NKAIN3: variants seen among roughly 807,000 people sequenced by gnomAD.
NKAIN3 encodes sodium/potassium transporting ATPase interacting 3, also known as sodium/potassium-transporting ATPase subunit beta-1-interacting protein 3.
NKAIN3 carries 25 observed loss-of-function variants against 30.2 expected under a neutral mutation model. That is an observed-to-expected ratio of 0.83 (90% CI 0.60 to 1.16). The LOEUF is 1.16. Ranked by LOEUF, NKAIN3 falls within the 50% of genes most tolerant of loss-of-function variation. NKAIN3 has a pLI of 0.00. For missense variants in NKAIN3, 225 were observed against 254.1 expected (o/e 0.89, Z 0.78); for synonymous variants, 91 against 89.6 (o/e 1.02, Z -0.09).
At chr8:62,823,161 C>G (rs1292675366) in intron 4 of NKAIN3, among the ~76,000 whole-genome samples, 1 of 152,128 alleles carries the variant, frequency 6.6e-6, no homozygotes, top group Non-Finnish European at 1.5e-5. Context: ...TTTATAAACA[C>G]TGTACACTTA....
At chr8:62,745,641 T>C (rs1586154689) in intron 3 of NKAIN3, among the ~76,000 whole-genome samples, 1 of 152,314 alleles carries the variant, frequency 6.6e-6, no homozygotes, top group South Asian at 2.1e-4. Context: ...CCAGAAATAC[T>C]AAAGGGCATC....
intron 1 of NKAIN3, among the ~76,000 whole-genome samples, chr8:62,362,915 G>A (rs547425877): frequency 1.3e-5 from 2 of 152,304 alleles, no homozygotes; most frequent in South Asian, 4.1e-4. Flanking sequence ...ACTCAGCAGT[G>A]TGTGACTGGT....
intron 5 of NKAIN3, chr8:62,990,332 C>A (rs1824296133): frequency 1.5e-6 from 2 of 1,342,238 alleles, no homozygotes; most frequent in Admixed American, 7.2e-5. Flanking sequence ...TCATTCTAAA[C>A]CCCAGATTCA....
At chr8:62,471,482 A>T (rs1781561397) in intron 1 of NKAIN3, among the ~76,000 whole-genome samples, 2 of 152,152 alleles carry the variant, frequency 1.3e-5, no homozygotes, top group African/African-American at 4.8e-5. Context: ...AAAAAAGAAA[A>T]ATCTTGTGTG....
chr8:62,607,378 G>A (rs1811161284), intron 3 of NKAIN3, among the ~76,000 whole-genome samples: 1 of 152,082 alleles, frequency 6.6e-6, no homozygotes, highest in Non-Finnish European at 1.5e-5. Flanking sequence ...TGTACAAATG[G>A]GCACTGTCAT....
intron 3 of NKAIN3, among the ~76,000 whole-genome samples, chr8:62,596,789 C>T (rs1387546175): frequency 6.6e-6 from 1 of 152,084 alleles, no homozygotes; most frequent in Non-Finnish European, 1.5e-5. Flanking sequence ...TCTAAAAGGT[C>T]CCCTCGAACA....
intron 1 of NKAIN3, among the ~76,000 whole-genome samples, chr8:62,455,734 C>T (rs1183199881): frequency 6.6e-6 from 1 of 152,188 alleles, no homozygotes; most frequent in Admixed American, 6.5e-5. Flanking sequence ...ATCAAAGTGT[C>T]CTTCCATTGA....
At chr8:62,415,658 G>A (rs1317047300) in intron 1 of NKAIN3, among the ~76,000 whole-genome samples, 1 of 151,386 alleles carries the variant, frequency 6.6e-6, no homozygotes, top group East Asian at 1.9e-4. Context: ...ATCCTACAAG[G>A]ACATGTTGAA....
intron 5 of NKAIN3, among the ~76,000 whole-genome samples, chr8:62,950,603 G>A (rs1823255145): frequency 6.6e-6 from 1 of 151,478 alleles, no homozygotes; most frequent in Admixed American, 6.6e-5. Flanking sequence ...ATGCAGAGAA[G>A]GTATAGCCAA....
intron 3 of NKAIN3, among the ~76,000 whole-genome samples, chr8:62,739,267 GAAAA>G (rs574237070): frequency 6.8e-6 from 1 of 147,070 alleles, no homozygotes; most frequent in African/African-American, 2.5e-5. Context: ...TATAATTTAC[GAAAA>G]AAAAAAATAT....
chr8:62,960,735 GCACA>G (rs113227908), intron 6 of NKAIN3, among the ~76,000 whole-genome samples: 3 of 148,430 alleles, frequency 2.0e-5, no homozygotes, highest in African/African-American at 5.0e-5. Flanking sequence ...CAGGAAAAAA[GCACA>G]CACACACACA....
chr8:62,595,929 TGA>T (rs1470484842), intron 3 of NKAIN3, among the ~76,000 whole-genome samples: 8 of 152,028 alleles, frequency 5.3e-5, no homozygotes, highest in African/African-American at 1.9e-4. Context: ...GCTTTGACTC[TGA>T]AAGAGACAAA....
At chr8:62,853,850 C>A (rs762463049) in intron 4 of NKAIN3, among the ~76,000 whole-genome samples, 2 of 152,102 alleles carry the variant, frequency 1.3e-5, no homozygotes, top group Non-Finnish European at 1.5e-5. Flanking sequence ...CTGTAGATTT[C>A]TCTCTTGACA....
chr8:62,679,158 A>G (rs967861340), intron 3 of NKAIN3, among the ~76,000 whole-genome samples: 2 of 152,204 alleles, frequency 1.3e-5, no homozygotes, highest in East Asian at 3.8e-4. Flanking sequence ...AGCAGCAAAG[A>G]GGTCATTTGT....
At chr8:62,666,631 C>G (rs770269335) in intron 3 of NKAIN3, among the ~76,000 whole-genome samples, 1 of 152,006 alleles carries the variant, frequency 6.6e-6, no homozygotes, top group African/African-American at 2.4e-5. Context: ...TTATCCCTTA[C>G]CTTGAAGCCT....
intron 1 of NKAIN3, among the ~76,000 whole-genome samples, chr8:62,555,874 T>G (rs1809370918): frequency 6.6e-6 from 1 of 152,078 alleles, no homozygotes; most frequent in Non-Finnish European, 1.5e-5. Flanking sequence ...AAGAAAATAG[T>G]CACTTCCTGC....
At chr8:62,794,879 G>A (rs1817813611) in intron 4 of NKAIN3, among the ~76,000 whole-genome samples, 1 of 152,106 alleles carries the variant, frequency 6.6e-6, no homozygotes, top group Non-Finnish European at 1.5e-5. Flanking sequence ...GGCTCCTGCT[G>A]CTTCTTTTAT....
chr8:62,280,170 C>T (rs1174955583), intron 1 of NKAIN3, among the ~76,000 whole-genome samples: 1 of 150,920 alleles, frequency 6.6e-6, no homozygotes, highest in Non-Finnish European at 1.5e-5. Context: ...ATTTGGCTCT[C>T]TGTTTGTCTG....
At chr8:62,687,283 T>C (rs1319974058) in intron 3 of NKAIN3, among the ~76,000 whole-genome samples, 1 of 152,192 alleles carries the variant, frequency 6.6e-6, no homozygotes, top group Non-Finnish European at 1.5e-5. Flanking sequence ...AAATGAAATG[T>C]TCAATCTGTT....
Sources: gnomAD v4.1 joint callset for allele counts (sites outside exome capture counted in the v4.1 genomes callset) on GRCh38, gnomAD v4.1.1 for gene constraint, MANE v1.5 for transcripts, NCBI Gene and HGNC (gene_info 2026-07-23, HGNC 2026-07-21) for gene names.